The following CREBBP variants were observed in gnomAD, a reference collection of about 807,000 sequenced individuals.
The protein encoded by CREBBP is CREB binding lysine acetyltransferase.
Under a neutral mutation model 265.0 loss-of-function variants are expected in CREBBP, and 19 were observed. The observed-to-expected ratio is 0.07, with a 90% CI of 0.05 to 0.11. The LOEUF is 0.11. Among genes scored for constraint, CREBBP ranks in the 10% least tolerant of loss-of-function variants. The pLI, the probability that CREBBP is intolerant of heterozygous loss-of-function variation, is 1.00. For synonymous variants in CREBBP, 1,457 were observed against 1,223.7 expected (o/e 1.19, Z -3.98); for missense variants, 2,525 against 3,219.0 (o/e 0.78, Z 5.22).
At chr16:3,823,421 G>A (rs575668807) in intron 2 of CREBBP, among the ~76,000 whole-genome samples, 12 of 152,312 alleles carry the variant, frequency 7.9e-5, no homozygotes, top group East Asian at 1.9e-4. Context: ...CAACGTGGCC[G>A]CGTAACCTGT....
chr16:3,772,969 C>A (rs555467802), intron 13 of CREBBP, among the ~76,000 whole-genome samples: 19 of 147,914 alleles, frequency 1.3e-4, no homozygotes, highest in Admixed American at 5.4e-4. Flanking sequence ...GCATCTGTAA[C>A]CCCAGGTACT....
At chr16:3,836,982 T>G (rs1217805702) in intron 2 of CREBBP, among the ~76,000 whole-genome samples, 2 of 152,264 alleles carry the variant, frequency 1.3e-5, no homozygotes, top group Non-Finnish European at 2.9e-5. Flanking sequence ...TTATGTATAG[T>G]ACATAATAGC....
At chr16:3,791,679 C>T (rs2053510677) in intron 5 of CREBBP, among the ~76,000 whole-genome samples, 1 of 152,148 alleles carries the variant, frequency 6.6e-6, no homozygotes, top group South Asian at 2.1e-4. Context: ...ACCATGTCTT[C>T]GTGTTGGCTC....
At chr16:3,760,856 T>A (rs572464098) in intron 16 of CREBBP, among the ~76,000 whole-genome samples, 1 of 152,186 alleles carries the variant, frequency 6.6e-6, no homozygotes, top group African/African-American at 2.4e-5. Context: ...CAGGCTGGTA[T>A]TGAACTCTCG....
chr16:3,737,076 GGCCT>G (rs1415999954), intron 26 of CREBBP: 2 of 555,790 alleles, frequency 3.6e-6, no homozygotes, highest in Non-Finnish European at 6.5e-6. Context: ...AGAAACCTGA[GGCCT>G]CATTAAAGAA....
chr16:3,758,198 A>C, intron 17 of CREBBP, 150 bp from the exon 18 acceptor site: 2 of 836,498 alleles, frequency 2.4e-6, no homozygotes, highest in Non-Finnish European at 3.7e-6. Context: ...TGAAAAGAAA[A>C]TAACCTCTGA....
intron 18 of CREBBP, 51 bp downstream of exon 18, chr16:3,757,758 T>TG: frequency 1.2e-6 from 2 of 1,609,030 alleles, no homozygotes; most frequent in Non-Finnish European, 1.7e-6. Flanking sequence ...AACACCCCTC[T>TG]GGCTGGATTA....
At chr16:3,786,851 T>C (rs2053399362) in intron 5 of CREBBP, among the ~76,000 whole-genome samples, 1 of 151,974 alleles carries the variant, frequency 6.6e-6, no homozygotes, top group African/African-American at 2.4e-5. Context: ...GGTGGGGAGA[T>C]CACCTGAGGT....
At chr16:3,849,081 GC>G in intron 2 of CREBBP, among the ~76,000 whole-genome samples, 1 of 152,284 alleles carries the variant, frequency 6.6e-6, no homozygotes, top group East Asian at 1.9e-4. Flanking sequence ...CCAAAGAACA[GC>G]CCAAACTGAT....
intron 2 of CREBBP, among the ~76,000 whole-genome samples, chr16:3,847,049 C>T (rs78999897): frequency 0.018 from 2,684 of 152,114 alleles, 44 homozygotes; most frequent in African/African-American, 0.038. Flanking sequence ...GCTGCACTAG[C>T]AAAAAGTCAG....
chr16:3,748,168 A>G (rs1417543307), intron 21 of CREBBP, among the ~76,000 whole-genome samples: 5 of 151,860 alleles, frequency 3.3e-5, no homozygotes, highest in Non-Finnish European at 7.4e-5. Context: ...AATCCCAGCC[A>G]CTTGGGAGGC....
rs1307570070 is a variant in CREBBP at position 3,818,418 on chromosome 16, C to T, written c.799-7639G>A. Among the ~76,000 whole-genome samples the T allele has an allele frequency of 2.0e-5, 3 of 151,744 alleles. No individual in the cohort carries two copies. The East Asian group carries it at 5.8e-4, about 29-fold the overall frequency. ...TGCCTCCCTGGTTCAAGCGATTCTCCCGTCTCAGCCTCCTGAGTAGCTGGG... is the reference window on the plus strand; with the variant it reads ...TGCCTCCCTGGTTCAAGCGATTCTCTCGTCTCAGCCTCCTGAGTAGCTGGG... On this transcript the variant is annotated intron_variant, in intron 2 of 30. Transcript: ENST00000262367.
chr16:3,823,704 T>C (rs533726773), intron 2 of CREBBP, among the ~76,000 whole-genome samples: 1 of 152,216 alleles, frequency 6.6e-6, no homozygotes, highest in African/African-American at 2.4e-5. Context: ...GGGATGCCCC[T>C]TCATCCTGAT....
chr16:3,782,655 A>C (rs750409318), intron 6 of CREBBP, 29 bp downstream of exon 6: 3 of 1,613,192 alleles, frequency 1.9e-6, no homozygotes, highest in South Asian at 2.2e-5. Context: ...TGGACAAGTA[A>C]GAACGAAGTT....
intron 1 of CREBBP, among the ~76,000 whole-genome samples, chr16:3,851,895 G>T (rs1299151139): frequency 6.9e-6 from 1 of 145,316 alleles, no homozygotes; most frequent in Admixed American, 6.8e-5. Context: ...AACATTAGCC[G>T]GGCATGGTGG....
rs940901910 is a variant in CREBBP, at chr16:3,736,668, C to G, written c.4542G>C (p.Arg1514=). 3 of 1,614,226 alleles carry G rather than the reference C, an allele frequency of 1.9e-6. No homozygotes were observed. The highest frequency in any genetic ancestry group is 1.1e-5 in the South Asian group (1 of 91,086). The change falls in exon 27 of 31, where the codon CGG becomes CGC. Residue 1514 remains arginine, a synonymous_variant. Coordinates refer to ENST00000262367, the MANE Select transcript of CREBBP (RefSeq NM_004380.3). ...KKMLDKAFAE[R]IIHDYKDIFK... is the part of the protein sequence containing the mutation. The stretch of plus-strand genomic sequence containing the variant: ...CGGGTACCTTGTAGTCATGGATGAT[C>G]CGCTCTGCAAACGCCTTGTCCAGCA...
intron 16 of CREBBP, among the ~76,000 whole-genome samples, chr16:3,763,644 A>G (rs560638972): frequency 5.6e-4 from 85 of 151,088 alleles, no homozygotes; most frequent in African/African-American, 1.9e-3. Context: ...TTGTATTTTT[A>G]GTAGAGACGG....
chr16:3,774,421 T>G, intron 12 of CREBBP, 148 bp downstream of exon 12: 1 of 1,041,434 alleles, frequency 9.6e-7, no homozygotes, highest in South Asian at 1.4e-5. Flanking sequence ...ATAATTTTTT[T>G]AAAATGAGAG....
At chr16:3,782,656 G>T (rs866792474) in intron 6 of CREBBP, 28 bp downstream of exon 6, 2 of 1,613,278 alleles carry the variant, frequency 1.2e-6, no homozygotes, top group African/African-American at 1.3e-5. Context: ...GGACAAGTAA[G>T]AACGAAGTTG....
Sources: gnomAD v4.1 joint callset for allele counts (sites outside exome capture counted in the v4.1 genomes callset) on GRCh38, gnomAD v4.1.1 for gene constraint, MANE v1.5 for transcripts, NCBI Gene and HGNC (gene_info 2026-07-23, HGNC 2026-07-21) for gene names.